The following ARHGAP24 variants were observed in gnomAD, a reference collection of about 807,000 sequenced individuals.
ARHGAP24 encodes the protein rho GTPase-activating protein 24.
Under a neutral mutation model 76.4 loss-of-function variants are expected in ARHGAP24, and 50 were observed. That is an observed-to-expected ratio of 0.65 (90% CI 0.52 to 0.83). The LOEUF is 0.83. Ranked by LOEUF, ARHGAP24 falls within the 40% of genes least tolerant of loss-of-function variation. The pLI, the probability that ARHGAP24 is intolerant of heterozygous loss-of-function variation, is 0.00. For synonymous variants in ARHGAP24, 345 were observed against 323.3 expected (o/e 1.07, Z -0.72); for missense variants, 930 against 914.2 (o/e 1.02, Z -0.22).
chr4:85,911,757 C>T (rs896226362), intron 3 of ARHGAP24, among the ~76,000 whole-genome samples: 2 of 152,166 alleles, frequency 1.3e-5, no homozygotes, highest in Admixed American at 6.5e-5. Flanking sequence ...AAGACTACAA[C>T]AATATGCTTT....
In ARHGAP24 at chr4:85,683,481, TA is replaced by T. The variant is rs150076735; in HGVS notation, c.181-38398del. ...TTAACTCTTAACTCACCTACTTATT[TA>T]AAAAAGTATTTGAACTAATTTATGA... On this transcript the variant is annotated intron_variant, in intron 2 of 9. Transcript: ENST00000395184. Among the ~76,000 whole-genome samples the T allele has an allele frequency of 1.6e-4, 24 of 152,322 alleles. No individual in the cohort carries two copies. In the East Asian group the frequency reaches 4.0e-3, roughly 26 times the overall value.
intron 2 of ARHGAP24, among the ~76,000 whole-genome samples, chr4:85,583,160 G>C (rs935784987): frequency 5.3e-5 from 8 of 152,088 alleles, no homozygotes; most frequent in African/African-American, 1.7e-4. Flanking sequence ...TTCTTGTCTA[G>C]TGTAACTAAC....
chr4:85,838,532 G>A (rs1696010321), intron 3 of ARHGAP24, among the ~76,000 whole-genome samples: 1 of 152,178 alleles, frequency 6.6e-6, no homozygotes, highest in African/African-American at 2.4e-5. Flanking sequence ...CCAGGAGGCG[G>A]AGCTGGCAGT....
At position 85,983,120 on chromosome 4, in the gene ARHGAP24, G is replaced by A. The variant is rs969122799; in HGVS notation, c.928+5429G>A. On this transcript the variant is annotated intron_variant, in intron 8 of 9. Coordinates refer to ENST00000395184, the MANE Select transcript of ARHGAP24 (RefSeq NM_001025616.3). ...TGATCTCATTCCTTTTTATGGCATG[G>A]CTGCAAAGTATTCCGTGATGTATAT... Among the ~76,000 whole-genome samples, 4 of 152,074 alleles carry A rather than the reference G, an allele frequency of 2.6e-5. No homozygotes were observed. In the East Asian group the frequency reaches 5.8e-4, roughly 22 times the overall value.
intron 1 of ARHGAP24, among the ~76,000 whole-genome samples, chr4:85,495,335 T>C (rs1723525964): frequency 7.0e-6 from 1 of 142,962 alleles, no homozygotes; most frequent in South Asian, 2.2e-4. Flanking sequence ...AGTACAGAAG[T>C]ACAGAATTTT....
chr4:85,551,425 A>G (rs903623380), intron 1 of ARHGAP24, among the ~76,000 whole-genome samples: 1 of 152,074 alleles, frequency 6.6e-6, no homozygotes, highest in African/African-American at 2.4e-5. Context: ...CTGGATTCAG[A>G]TGGTTAGTAT....
chr4:85,894,766 G>A (rs1376572567), intron 3 of ARHGAP24, among the ~76,000 whole-genome samples: 1 of 151,870 alleles, frequency 6.6e-6, no homozygotes, highest in Non-Finnish European at 1.5e-5. Context: ...TTAGAGGCCA[G>A]CCTGGACAAT....
chr4:85,486,772 A>T (rs1332434716), intron 1 of ARHGAP24, among the ~76,000 whole-genome samples: 2 of 152,172 alleles, frequency 1.3e-5, no homozygotes, highest in African/African-American at 4.8e-5. Flanking sequence ...CAATGTAACT[A>T]AACATTGCTT....
intron 1 of ARHGAP24, among the ~76,000 whole-genome samples, chr4:85,507,590 A>G (rs1170075135): frequency 7.2e-5 from 11 of 152,206 alleles, no homozygotes; most frequent in Admixed American, 5.9e-4. Context: ...CATGAGTGTT[A>G]TAAGTTGTGG....
chr4:85,974,771 C>T, intron 6 of ARHGAP24, 117 bp from the exon 7 acceptor site: 1 of 861,984 alleles, frequency 1.2e-6, no homozygotes, highest in African/African-American at 1.7e-5. Context: ...GGGACAAGAT[C>T]TTTCACTGAT....
chr4:85,915,821 T>C (rs1735355184), intron 3 of ARHGAP24, among the ~76,000 whole-genome samples: 1 of 152,244 alleles, frequency 6.6e-6, no homozygotes, highest in Non-Finnish European at 1.5e-5. Context: ...AGTCTATCAT[T>C]GATGGGCATT....
intron 3 of ARHGAP24, among the ~76,000 whole-genome samples, chr4:85,888,285 G>T (rs369713409): frequency 2.0e-5 from 3 of 151,554 alleles, no homozygotes; most frequent in Non-Finnish European, 2.9e-5. Context: ...CTTGTAATCC[G>T]GCTACTTGGG....
chr4:85,889,204 G>A (rs1733742696), intron 3 of ARHGAP24, among the ~76,000 whole-genome samples: 1 of 152,160 alleles, frequency 6.6e-6, no homozygotes, highest in Non-Finnish European at 1.5e-5. Context: ...TAAACTAAGT[G>A]TAAATTCTAT....
At chr4:85,850,573 C>T (rs903268031) in intron 3 of ARHGAP24, among the ~76,000 whole-genome samples, 2 of 152,158 alleles carry the variant, frequency 1.3e-5, no homozygotes, top group Admixed American at 6.5e-5. Flanking sequence ...CCTGCTTTCT[C>T]TTGTGGGCAT....
At chr4:85,776,629 T>G (rs1254413094) in intron 3 of ARHGAP24, among the ~76,000 whole-genome samples, 1 of 152,212 alleles carries the variant, frequency 6.6e-6, no homozygotes, top group African/African-American at 2.4e-5. Context: ...GTTCCTTCTT[T>G]GTTTAGCCTA....
chr4:85,547,404 AG>A (rs1483636720), intron 1 of ARHGAP24, among the ~76,000 whole-genome samples: 7 of 152,108 alleles, frequency 4.6e-5, no homozygotes, highest in African/African-American at 1.7e-4. Flanking sequence ...TGATTTCAGG[AG>A]GCACATGATG....
intron 3 of ARHGAP24, among the ~76,000 whole-genome samples, chr4:85,752,156 C>G (rs202222867): frequency 6.6e-6 from 1 of 152,214 alleles, no homozygotes; most frequent in South Asian, 2.1e-4. Flanking sequence ...CTAACAGGTG[C>G]TCACTCTGCC....
chr4:85,843,245 C>T (rs1273375224), intron 3 of ARHGAP24, among the ~76,000 whole-genome samples: 1 of 152,020 alleles, frequency 6.6e-6, no homozygotes, highest in Non-Finnish European at 1.5e-5. Context: ...CTTATTGTTT[C>T]TGTATGTCTA....
intron 2 of ARHGAP24, among the ~76,000 whole-genome samples, chr4:85,584,528 A>G (rs1578055761): frequency 6.6e-6 from 1 of 152,152 alleles, no homozygotes; most frequent in Non-Finnish European, 1.5e-5. Flanking sequence ...CCAGCATGAC[A>G]CATGTATACA....
Sources: gnomAD v4.1 joint callset for allele counts (sites outside exome capture counted in the v4.1 genomes callset) on GRCh38, gnomAD v4.1.1 for gene constraint, MANE v1.5 for transcripts, NCBI Gene and HGNC (gene_info 2026-07-23, HGNC 2026-07-21) for gene names.